The following KIAA0319L variants were observed in gnomAD, a reference collection of about 807,000 sequenced individuals.
KIAA0319L encodes the protein dyslexia-associated protein KIAA0319-like protein.
KIAA0319L carries 55 observed loss-of-function variants against 120.1 expected under a neutral mutation model. The observed-to-expected ratio is 0.46, with a 90% confidence interval of 0.37 to 0.57. KIAA0319L has a LOEUF of 0.57. Ranked by LOEUF, KIAA0319L falls within the 20% of genes least tolerant of loss-of-function variation. KIAA0319L has a pLI of 0.00. For missense variants in KIAA0319L, 1,049 were observed against 1,255.3 expected (o/e 0.84, Z 2.48); for synonymous variants, 398 against 471.9 (o/e 0.84, Z 2.03).
At chr1:35,446,048 T>C (rs754955309) in intron 16 of KIAA0319L, among the ~76,000 whole-genome samples, 1 of 152,226 alleles carries the variant, frequency 6.6e-6, no homozygotes, top group African/African-American at 2.4e-5. Flanking sequence ...GTGCTATCTC[T>C]GACCTAGTGA....
intron 2 of KIAA0319L, chr1:35,533,262 T>G (rs948230113): frequency 6.6e-6 from 1 of 152,178 alleles, no homozygotes; most frequent in Non-Finnish European, 1.5e-5. Flanking sequence ...GAACGTCCCC[T>G]GTTTCAGGAG....
intron 2 of KIAA0319L, among the ~76,000 whole-genome samples, chr1:35,514,326 C>T (rs1321140381): frequency 4.0e-5 from 6 of 149,472 alleles, no homozygotes; most frequent in Non-Finnish European, 7.4e-5. Flanking sequence ...CATTTACGAA[C>T]ATTTACTGTG....
chr1:35,505,044 T>G (rs1454146484), intron 3 of KIAA0319L, among the ~76,000 whole-genome samples: 1 of 152,220 alleles, frequency 6.6e-6, no homozygotes, highest in Admixed American at 6.5e-5. Context: ...TTAAACTTTC[T>G]TTCTTTAAAG....
intron 4 of KIAA0319L, among the ~76,000 whole-genome samples, chr1:35,475,915 C>CG (rs1643886183): frequency 2.6e-5 from 4 of 152,216 alleles, no homozygotes; most frequent in Non-Finnish European, 1.5e-5. Flanking sequence ...CACAAAGCCA[C>CG]GGTCTACTCT....
chr1:35,537,353 T>C (rs1417234683), intron 2 of KIAA0319L, among the ~76,000 whole-genome samples: 3 of 151,744 alleles, frequency 2.0e-5, no homozygotes, highest in Non-Finnish European at 4.4e-5. Flanking sequence ...GAGCACTATT[T>C]TGTTTTTTGG....
In KIAA0319L at chr1:35,516,024, A is replaced by C. The variant is rs187857814; in HGVS notation, c.143-8889T>G. ...AAGAAGAAACTGATTCCCTGAACAG[A>C]CCAATAATGAGCTCTAAAACTGAAT... is the stretch of plus-strand genomic sequence containing the variant. On this transcript the variant is annotated intron_variant, in intron 2 of 20. Coordinates refer to ENST00000325722, the MANE Select transcript of KIAA0319L (RefSeq NM_024874.5). Among the ~76,000 whole-genome samples the C allele has an allele frequency of 3.9e-5, 6 of 152,314 alleles. No homozygotes were observed. The East Asian group carries it at 9.6e-4, about 24-fold the overall frequency.
At chr1:35,483,655 A>C (rs1432596427) in intron 3 of KIAA0319L, among the ~76,000 whole-genome samples, 2 of 152,186 alleles carry the variant, frequency 1.3e-5, no homozygotes, top group Non-Finnish European at 2.9e-5. Context: ...AGATAGTTTA[A>C]GTCCTCCAAC....
Position 35,539,578 on chromosome 1 carries a change from C to T in KIAA0319L, c.142+14772G>A, listed in dbSNP as rs373630714. Among the ~76,000 whole-genome samples the T allele has an allele frequency of 2.6e-5, 4 of 152,320 alleles. No homozygotes were observed. In the East Asian group the frequency reaches 5.8e-4, roughly 22 times the overall value. ...AGAAGACAGCTTGGCACTGCTTCAG[C>T]ATATGGGGCTGCTTGCTTCAGGCCA... On this transcript the variant is annotated intron_variant, in intron 2 of 20. Transcript: ENST00000325722.
chr1:35,479,070 G>C lies in KIAA0319L; in HGVS notation c.809C>G (p.Ser270Cys), dbSNP rs947849772. The stretch of plus-strand genomic sequence containing the variant: ...GGGGACAGCAATCTGGGTTTTCTCA[G>C]AACTTTTTACTTGTTGAGTGCTGGG... ...TTPSTQQVKSSEKTQIAVPQP... is the reference protein window; with the variant it reads ...TTPSTQQVKSCEKTQIAVPQP... The change falls in exon 4 of 21, where the codon TCT becomes TGT. Residue 270 changes from serine to cysteine, a missense_variant. By Grantham distance (112) the Ser-to-Cys change is moderately radical (BLOSUM62 -1). Transcript: ENST00000325722. 9 of 1,614,026 alleles carry C rather than the reference G, an allele frequency of 5.6e-6. No homozygotes were observed. In the Admixed American group the frequency reaches 1.0e-4, roughly 18 times the overall value.
At chr1:35,505,906 G>A (rs1645188197) in intron 3 of KIAA0319L, among the ~76,000 whole-genome samples, 2 of 152,142 alleles carry the variant, frequency 1.3e-5, no homozygotes, top group African/African-American at 4.8e-5. Context: ...AGCCCACTCT[G>A]GCTTCAACTT....
intron 12 of KIAA0319L, among the ~76,000 whole-genome samples, chr1:35,452,480 A>T (rs1289444562): frequency 6.6e-6 from 1 of 152,238 alleles, no homozygotes; most frequent in Admixed American, 6.5e-5. Flanking sequence ...ACTACAGGAA[A>T]GCCAGAGAAA....
At chr1:35,452,865 C>CA (rs554586768) in intron 12 of KIAA0319L, among the ~76,000 whole-genome samples, 44 of 149,816 alleles carry the variant, frequency 2.9e-4, no homozygotes, top group South Asian at 1.1e-3. Flanking sequence ...AAACACAATA[C>CA]AAAAAAAAAC....
At chr1:35,466,579 G>A (rs370548533) in intron 7 of KIAA0319L, 29 bp downstream of exon 7, 12 of 1,493,530 alleles carry the variant, frequency 8.0e-6, no homozygotes, top group Middle Eastern at 3.4e-4. Context: ...GAGGGAGGAA[G>A]GGAGACACAG....
chr1:35,455,164 A>AT (rs930929426), intron 10 of KIAA0319L, among the ~76,000 whole-genome samples: 78 of 152,020 alleles, frequency 5.1e-4, no homozygotes, highest in African/African-American at 1.8e-3. Context: ...GCTTGCAAAT[A>AT]TTTTTTTTGG....
chr1:35,506,610 A>G lies in KIAA0319L; in HGVS notation c.666+2T>C. Reference sequence around the variant, plus strand: ...TCTGCTCCTTATTCATAGCATGCTTACCTCTGCAGAGCCACTGGTAGTCAG... The same window carrying G: ...TCTGCTCCTTATTCATAGCATGCTTGCCTCTGCAGAGCCACTGGTAGTCAG... On this transcript the variant is annotated splice_donor_variant, in intron 3 of 20. Coordinates refer to ENST00000325722, the MANE Select transcript of KIAA0319L (RefSeq NM_024874.5). LOFTEE classifies it high-confidence loss of function. The surrounding 1 kb of genome is among the most constrained non-coding windows in gnomAD (Gnocchi z 4.0). The G allele has an allele frequency of 1.2e-6, 2 of 1,608,754 alleles. No individual in the cohort carries two copies. Among genetic ancestry groups the G allele is most frequent in the Non-Finnish European group, 1.7e-6 (2 of 1,177,098 alleles).
intron 2 of KIAA0319L, among the ~76,000 whole-genome samples, chr1:35,508,141 A>C (rs1313003320): frequency 1.3e-5 from 2 of 152,210 alleles, no homozygotes; most frequent in Non-Finnish European, 2.9e-5. Flanking sequence ...TCAGGCACAA[A>C]ATTTAAGGAG....
intron 3 of KIAA0319L, among the ~76,000 whole-genome samples, chr1:35,501,255 T>G (rs1644995027): frequency 6.6e-6 from 1 of 152,198 alleles, no homozygotes; most frequent in Non-Finnish European, 1.5e-5. Flanking sequence ...AGTTTGAATT[T>G]TCACCATCCT....
At chr1:35,552,234 C>T (rs1200240130) in intron 2 of KIAA0319L, among the ~76,000 whole-genome samples, 2 of 152,042 alleles carry the variant, frequency 1.3e-5, no homozygotes, top group Non-Finnish European at 2.9e-5. Flanking sequence ...CCCACCTATT[C>T]GGGAGGCTGA....
intron 3 of KIAA0319L, among the ~76,000 whole-genome samples, chr1:35,490,036 C>T (rs998285642): frequency 2.0e-5 from 3 of 152,192 alleles, no homozygotes; most frequent in African/African-American, 4.8e-5. Flanking sequence ...TCTTGGCTCA[C>T]TGCAGCCTCG....
Sources: gnomAD v4.1 joint callset for allele counts (sites outside exome capture counted in the v4.1 genomes callset) on GRCh38, gnomAD v4.1.1 for gene constraint, Gnocchi (gnomAD v3.1) non-coding constraint, MANE v1.5 for transcripts, NCBI Gene and HGNC (gene_info 2026-07-23, HGNC 2026-07-21) for gene names.